The following OXCT1 variants were observed in gnomAD, a reference collection of about 807,000 sequenced individuals.
OXCT1 encodes succinyl-CoA:3-ketoacid coenzyme A transferase 1, mitochondrial.
In OXCT1, 27 loss-of-function variants were observed where a neutral mutation model predicts 69.6. That is an observed-to-expected ratio of 0.39 (90% CI 0.29 to 0.54). The LOEUF is 0.54. Ranked by LOEUF, OXCT1 falls within the 20% of genes least tolerant of loss-of-function variation. The pLI, the probability that OXCT1 is intolerant of heterozygous loss-of-function variation, is 0.72. For missense variants in OXCT1, 437 were observed against 650.2 expected (o/e 0.67, Z 3.57); for synonymous variants, 202 against 217.8 (o/e 0.93, Z 0.64).
At chr5:41,853,765 T>A in intron 3 of OXCT1, 1 of 659,802 alleles carries the variant, frequency 1.5e-6, no homozygotes, top group Non-Finnish European at 2.7e-6. Flanking sequence ...TCAAGAAGTT[T>A]AAGTTATTTT....
chr5:41,834,621 G>A (rs909553308), intron 7 of OXCT1, among the ~76,000 whole-genome samples: 1 of 151,988 alleles, frequency 6.6e-6, no homozygotes. Flanking sequence ...TTCAGCAAGA[G>A]GATACAATGA....
chr5:41,860,488 AG>A (rs1262947998), intron 3 of OXCT1, among the ~76,000 whole-genome samples: 1 of 152,200 alleles, frequency 6.6e-6, no homozygotes, highest in African/African-American at 2.4e-5. Context: ...TAGACAGGAA[AG>A]AGGAGGGACA....
At chr5:41,791,452 T>A (rs1443644572) in intron 13 of OXCT1, among the ~76,000 whole-genome samples, 1 of 152,228 alleles carries the variant, frequency 6.6e-6, no homozygotes, top group South Asian at 2.1e-4. Context: ...TGTATTTTAA[T>A]CATTCACAGG....
In OXCT1 at chr5:41,794,042, C is replaced by G; in HGVS notation, c.1209G>C (p.Gln403His). ...TAGCCAGGTCACCATATTTGGAAACCTGCATCGCTCCTAGCATTGTCAGAT... is the reference window on the plus strand; with the variant it reads ...TAGCCAGGTCACCATATTTGGAAACGTGCATCGCTCCTAGCATTGTCAGAT... ...HVDLTMLGAM[Q>H]VSKYGDLANW... Residue 403 changes from glutamine to histidine, a missense_variant, in exon 13 of 17, where the codon CAG (glutamine) becomes CAC (histidine). By Grantham distance (24) the Gln-to-His change is conservative. Around this residue, in one of 4 missense-constraint regions of OXCT1, gnomAD observed 102 missense variants for 162.1 expected, o/e 0.63. Coordinates refer to ENST00000196371, the MANE Select transcript of OXCT1 (RefSeq NM_000436.4). The G allele has an allele frequency of 6.2e-7, 1 of 1,613,306 alleles. No individual in the cohort carries two copies. The highest frequency in any genetic ancestry group is 8.5e-7 in the Non-Finnish European group (1 of 1,179,328).
intron 7 of OXCT1, among the ~76,000 whole-genome samples, chr5:41,811,711 G>C (rs1746994372): frequency 6.6e-6 from 1 of 152,026 alleles, no homozygotes; most frequent in African/African-American, 2.4e-5. Context: ...GGCTACCAAT[G>C]AATTTGCAAC....
At chr5:41,818,533 CAA>C (rs1491357473) in intron 7 of OXCT1, among the ~76,000 whole-genome samples, 1 of 152,190 alleles carries the variant, frequency 6.6e-6, no homozygotes, top group African/African-American at 2.4e-5. Context: ...AAAAAATTCA[CAA>C]GAGAGTTCAC....
At chr5:41,780,269 G>C (rs943941096) in intron 13 of OXCT1, among the ~76,000 whole-genome samples, 2 of 152,100 alleles carry the variant, frequency 1.3e-5, no homozygotes, top group African/African-American at 4.8e-5. Flanking sequence ...GTTAAAAATT[G>C]ACTATTTGTA....
chr5:41,755,549 A>C (rs1019629003), intron 14 of OXCT1, among the ~76,000 whole-genome samples: 1 of 152,100 alleles, frequency 6.6e-6, no homozygotes, highest in African/African-American at 2.4e-5. Flanking sequence ...AAATTATCTG[A>C]AGGATGTCTC....
chr5:41,816,061 A>G (rs1466451743), intron 7 of OXCT1, among the ~76,000 whole-genome samples: 1 of 152,200 alleles, frequency 6.6e-6, no homozygotes, highest in East Asian at 1.9e-4. Context: ...TGGCTGCTAA[A>G]TCTAACAGAT....
intron 14 of OXCT1, among the ~76,000 whole-genome samples, chr5:41,760,890 T>C (rs1744313872): frequency 6.6e-6 from 1 of 152,136 alleles, no homozygotes; most frequent in Admixed American, 6.6e-5. Flanking sequence ...AATCATTTTG[T>C]GGCATACATT....
chr5:41,748,141 A>G (rs1407316218), intron 15 of OXCT1, among the ~76,000 whole-genome samples: 1 of 152,142 alleles, frequency 6.6e-6, no homozygotes, highest in African/African-American at 2.4e-5. Context: ...CAAAATGAAC[A>G]GTGGACCACT....
intron 16 of OXCT1, among the ~76,000 whole-genome samples, chr5:41,738,292 C>T (rs1669181152): frequency 6.6e-6 from 1 of 152,054 alleles, no homozygotes; most frequent in Non-Finnish European, 1.5e-5. Context: ...TTGGCTGTGT[C>T]CCCACCCAAA....
chr5:41,819,026 T>C (rs1180947491), intron 7 of OXCT1, among the ~76,000 whole-genome samples: 2 of 152,128 alleles, frequency 1.3e-5, no homozygotes, highest in Non-Finnish European at 2.9e-5. Flanking sequence ...AGATCTATAT[T>C]TGAAGTTGGA....
chr5:41,760,478 C>T (rs1281629690), intron 14 of OXCT1, among the ~76,000 whole-genome samples: 2 of 151,992 alleles, frequency 1.3e-5, no homozygotes, highest in Non-Finnish European at 2.9e-5. Flanking sequence ...CATTTATTTT[C>T]CTCTATCAGA....
At chr5:41,864,343 G>A (rs1342833641) in intron 1 of OXCT1, among the ~76,000 whole-genome samples, 1 of 152,118 alleles carries the variant, frequency 6.6e-6, no homozygotes, top group Non-Finnish European at 1.5e-5. Flanking sequence ...AAGTGGTCAA[G>A]GTGACAGCAT....
At chr5:41,749,719 G>A (rs1032524465) in intron 14 of OXCT1, 112 bp from the exon 15 acceptor site, 1 of 719,748 alleles carries the variant, frequency 1.4e-6, no homozygotes, top group East Asian at 2.8e-5. Context: ...CCTAAGTAAA[G>A]ACTCTTTCAG....
At chr5:41,861,192 T>A (rs1352394459) in intron 3 of OXCT1, 122 bp downstream of exon 3, 2 of 748,952 alleles carry the variant, frequency 2.7e-6, no homozygotes, top group Non-Finnish European at 4.8e-6. Context: ...AACACTAGAT[T>A]TTGATGCTTG....
chr5:41,858,774 AT>A (rs1561134741), intron 3 of OXCT1, among the ~76,000 whole-genome samples: 2 of 152,196 alleles, frequency 1.3e-5, no homozygotes, highest in Admixed American at 6.5e-5. Context: ...ACCAAGTTGT[AT>A]TTCTTTTGTT....
At chr5:41,867,631 C>T (rs1279732391) in intron 1 of OXCT1, among the ~76,000 whole-genome samples, 3 of 152,140 alleles carry the variant, frequency 2.0e-5, no homozygotes, top group African/African-American at 7.2e-5. Context: ...AAGAACAAAA[C>T]AAGGAATGGG....
Sources: gnomAD v4.1 joint callset for allele counts (sites outside exome capture counted in the v4.1 genomes callset) on GRCh38, gnomAD v4.1.1 for gene constraint, gnomAD v4.1.1 regional missense constraint, MANE v1.5 for transcripts, NCBI Gene and HGNC (gene_info 2026-07-23, HGNC 2026-07-21) for gene names.